Variants in LPP observed in about 807,000 individuals in gnomAD.
The protein encoded by LPP is lipoma-preferred partner.
Under a neutral mutation model 60.4 loss-of-function variants are expected in LPP, and 38 were observed. The ratio of observed to expected loss-of-function variants is 0.63; its 90% CI spans 0.49 to 0.83. LPP has a LOEUF of 0.83. Ranked by LOEUF, LPP falls within the 40% of genes least tolerant of loss-of-function variation. The pLI is 0.00. For synonymous variants in LPP, 328 were observed against 290.8 expected, an observed-to-expected ratio of 1.13 and a Z score of -1.30; for missense variants, 902 against 783.6, an observed-to-expected ratio of 1.15 and a Z score of -1.80.
chr3:188,581,038 C>T (rs1021254702), intron 6 of LPP, among the ~76,000 whole-genome samples: 1 of 152,006 alleles, frequency 6.6e-6, no homozygotes, highest in South Asian at 2.1e-4. Context: ...ATCACATGTA[C>T]AAAACACCTT....
intron 7 of LPP, among the ~76,000 whole-genome samples, chr3:188,696,579 G>A (rs926764143): frequency 2.6e-5 from 4 of 151,464 alleles, no homozygotes; most frequent in East Asian, 1.9e-4. Flanking sequence ...GAGAGAATCC[G>A]TCTAAAACAA....
intron 4 of LPP, among the ~76,000 whole-genome samples, chr3:188,408,280 T>C (rs1484176596): frequency 6.6e-6 from 1 of 152,074 alleles, no homozygotes; most frequent in African/African-American, 2.4e-5. Flanking sequence ...GGCCTGAGCG[T>C]TATGGTGAGG....
chr3:188,814,118 G>GAC (rs906925332), intron 9 of LPP, among the ~76,000 whole-genome samples: 8 of 151,436 alleles, frequency 5.3e-5, no homozygotes, highest in Admixed American at 1.3e-4. Context: ...CACACATACA[G>GAC]ACACACACAC....
intron 7 of LPP, among the ~76,000 whole-genome samples, chr3:188,694,843 AT>A (rs1181869584): frequency 1.3e-5 from 2 of 152,238 alleles, no homozygotes; most frequent in African/African-American, 4.8e-5. Flanking sequence ...TCATTAAAAA[AT>A]GTTTGTCCTT....
At chr3:188,834,501 C>T (rs1221145397) in intron 9 of LPP, among the ~76,000 whole-genome samples, 3 of 151,920 alleles carry the variant, frequency 2.0e-5, no homozygotes, top group East Asian at 3.9e-4. Flanking sequence ...CAGCCTTCCC[C>T]ACCAAGGAAG....
intron 4 of LPP, among the ~76,000 whole-genome samples, chr3:188,427,135 T>C (rs1235073104): frequency 6.6e-6 from 1 of 152,240 alleles, no homozygotes; most frequent in East Asian, 1.9e-4. Context: ...GGAGCTCTTG[T>C]AAAGCAGGCC....
intron 9 of LPP, among the ~76,000 whole-genome samples, chr3:188,859,123 A>G (rs1279888722): frequency 6.9e-6 from 1 of 145,980 alleles, no homozygotes; most frequent in Non-Finnish European, 1.5e-5. Context: ...AAGGATGTTC[A>G]TGTCTGGCAA....
intron 2 of LPP, among the ~76,000 whole-genome samples, chr3:188,333,915 T>C (rs1380434714): frequency 6.6e-6 from 1 of 152,214 alleles, no homozygotes; most frequent in African/African-American, 2.4e-5. Flanking sequence ...CTTGAAAATA[T>C]ACAATAAATT....
intron 9 of LPP, 125 bp downstream of exon 9, chr3:188,760,407 G>GGGGT (rs779935900): frequency 2.2e-5 from 12 of 538,514 alleles, no homozygotes; most frequent in African/African-American, 3.6e-5. Flanking sequence ...ATGTGTGTGT[G>GGGGT]GGGTGTGTGT....
chr3:188,430,135 T>C (rs1386978071), intron 4 of LPP, among the ~76,000 whole-genome samples: 1 of 151,806 alleles, frequency 6.6e-6, no homozygotes, highest in Admixed American at 6.6e-5. Flanking sequence ...AATAAGTTAT[T>C]ATTTCCTCAA....
chr3:188,517,458 A>C (rs192655233), intron 5 of LPP, among the ~76,000 whole-genome samples: 1 of 152,352 alleles, frequency 6.6e-6, no homozygotes, highest in African/African-American at 2.4e-5. Context: ...CTCATGTTGA[A>C]ATTTAATCCC....
intron 2 of LPP, among the ~76,000 whole-genome samples, chr3:188,252,364 TTCC>T (rs1324326752): frequency 1.0e-5 from 1 of 96,310 alleles, no homozygotes. Flanking sequence ...CCGTTTTTTT[TTCC>T]TCTCTCTCTC....
intron 6 of LPP, among the ~76,000 whole-genome samples, chr3:188,577,748 CCTTCG>C (rs1411432153): frequency 7.5e-5 from 4 of 53,184 alleles, no homozygotes; most frequent in Non-Finnish European, 2.0e-4. Flanking sequence ...TTCCTTTGTT[CCTTCG>C]TTCCTTCGTT....
intron 9 of LPP, among the ~76,000 whole-genome samples, chr3:188,803,658 C>T (rs373038922): frequency 1.2e-4 from 18 of 152,142 alleles, no homozygotes; most frequent in African/African-American, 4.1e-4. Context: ...TATTCTGTTC[C>T]ATCAGTCTGT....
chr3:188,606,932 TG>T (rs1208815212), intron 6 of LPP, among the ~76,000 whole-genome samples: 3 of 152,074 alleles, frequency 2.0e-5, no homozygotes, highest in Non-Finnish European at 4.4e-5. Flanking sequence ...ACTGAGCAAC[TG>T]GGCTGATGAC....
intron 4 of LPP, among the ~76,000 whole-genome samples, chr3:188,428,108 G>C (rs1200932277): frequency 6.6e-6 from 1 of 152,048 alleles, no homozygotes; most frequent in African/African-American, 2.4e-5. Context: ...GTAGTATCTG[G>C]GCCAGAGTGC....
intron 1 of LPP, among the ~76,000 whole-genome samples, chr3:188,225,153 C>T (rs1052809496): frequency 2.6e-5 from 4 of 152,060 alleles, no homozygotes; most frequent in African/African-American, 9.7e-5. Context: ...GCCTCTTTCA[C>T]CTCCATTATT....
chr3:188,530,649 C>T (rs969320929), intron 6 of LPP, among the ~76,000 whole-genome samples: 1 of 152,172 alleles, frequency 6.6e-6, no homozygotes, highest in Non-Finnish European at 1.5e-5. Context: ...TTGATGATAA[C>T]CACGACCAGG....
At chr3:188,538,841 T>A (rs1241474010) in intron 6 of LPP, among the ~76,000 whole-genome samples, 2 of 151,956 alleles carry the variant, frequency 1.3e-5, no homozygotes, top group African/African-American at 2.4e-5. Flanking sequence ...TGAATATTAC[T>A]CAGCCATAAA....
Sources: allele counts gnomAD v4.1 joint callset (sites outside exome capture counted in the v4.1 genomes callset), GRCh38; gene constraint gnomAD v4.1.1; transcripts MANE v1.5; gene names NCBI Gene and HGNC (gene_info 2026-07-23, HGNC 2026-07-21).